The following ADAMTSL1 variants were observed in gnomAD, a reference collection of about 807,000 sequenced individuals.
ADAMTSL1 encodes the protein ADAMTS like 1.
A neutral mutation model predicts 201.8 loss-of-function variants in ADAMTSL1; 126 were observed. That is an observed-to-expected ratio of 0.62 (90% CI 0.54 to 0.72). The LOEUF (loss-of-function observed/expected upper bound fraction) is 0.72. ADAMTSL1 is among the 30% of genes least tolerant of loss of function. The pLI, the probability that ADAMTSL1 is intolerant of heterozygous loss-of-function variation, is 0.00. For synonymous variants in ADAMTSL1, 1,121 were observed against 903.4 expected (o/e 1.24, Z -4.32); for missense variants, 2,679 against 2,277.8 (o/e 1.18, Z -3.59).
At chr9:18,732,397 TC>T (rs1362238488) in intron 15 of ADAMTSL1, among the ~76,000 whole-genome samples, 3 of 152,150 alleles carry the variant, frequency 2.0e-5, no homozygotes, top group African/African-American at 7.2e-5. Context: ...GTTGGGACAT[TC>T]CATTTAATGT....
chr9:18,673,115 C>T (rs1829929128), intron 9 of ADAMTSL1, among the ~76,000 whole-genome samples: 2 of 152,128 alleles, frequency 1.3e-5, no homozygotes. Flanking sequence ...TATTCAGATG[C>T]ATGTCTGAAT....
At chr9:17,922,663 G>C (rs1464049643) in intron 1 of ADAMTSL1, among the ~76,000 whole-genome samples, 1 of 152,130 alleles carries the variant, frequency 6.6e-6, no homozygotes, top group Non-Finnish European at 1.5e-5. Context: ...AAGTTGAGTT[G>C]ACTTGTCCCA....
chr9:18,111,899 A>C (rs890102801), intron 1 of ADAMTSL1, among the ~76,000 whole-genome samples: 31 of 152,172 alleles, frequency 2.0e-4, no homozygotes, highest in African/African-American at 7.2e-4. Context: ...AATGGGATTA[A>C]TAGCTAGTTA....
At chr9:18,720,683 T>C (rs1158640375) in intron 14 of ADAMTSL1, among the ~76,000 whole-genome samples, 3 of 152,118 alleles carry the variant, frequency 2.0e-5, no homozygotes, top group African/African-American at 7.2e-5. Flanking sequence ...CTCGGGAGGC[T>C]GAGGCAGGAG....
chr9:18,344,543 G>T (rs1189453757), intron 2 of ADAMTSL1, among the ~76,000 whole-genome samples: 2 of 152,080 alleles, frequency 1.3e-5, no homozygotes, highest in Non-Finnish European at 2.9e-5. Flanking sequence ...ACACATGTGA[G>T]ATTCACAAAT....
intron 1 of ADAMTSL1, among the ~76,000 whole-genome samples, chr9:17,916,197 A>G (rs1008293034): frequency 1.3e-5 from 2 of 152,242 alleles, no homozygotes; most frequent in Non-Finnish European, 2.9e-5. Context: ...CTGGGATTAC[A>G]GGTGTGAGCC....
At chr9:18,845,243 T>A (rs1192538253) in intron 23 of ADAMTSL1, among the ~76,000 whole-genome samples, 1 of 152,090 alleles carries the variant, frequency 6.6e-6, no homozygotes, top group African/African-American at 2.4e-5. Context: ...TCAGAGGAAC[T>A]CCTCACAAAT....
chr9:17,947,324 CA>C, intron 1 of ADAMTSL1, among the ~76,000 whole-genome samples: 1 of 143,146 alleles, frequency 7.0e-6, no homozygotes, highest in Non-Finnish European at 1.5e-5. Context: ...CACACACACA[CA>C]CACACACACA....
chr9:18,287,575 A>G (rs947930902), intron 2 of ADAMTSL1, among the ~76,000 whole-genome samples: 59 of 148,204 alleles, frequency 4.0e-4, no homozygotes, highest in African/African-American at 1.5e-3. Context: ...ACATATATGT[A>G]AATATATGTG....
chr9:18,565,744 C>T (rs1821850148), intron 3 of ADAMTSL1, among the ~76,000 whole-genome samples: 1 of 152,160 alleles, frequency 6.6e-6, no homozygotes. Flanking sequence ...ACAGAGTTGT[C>T]TCCACGCAGA....
At chr9:18,478,977 G>A (rs1194215262) in intron 1 of ADAMTSL1, among the ~76,000 whole-genome samples, 1 of 152,116 alleles carries the variant, frequency 6.6e-6, no homozygotes, top group Non-Finnish European at 1.5e-5. Context: ...TGGCAGTACT[G>A]GCTCATGAGC....
intron 1 of ADAMTSL1, among the ~76,000 whole-genome samples, chr9:18,489,240 T>G (rs1822147196): frequency 6.6e-6 from 1 of 152,212 alleles, no homozygotes; most frequent in Non-Finnish European, 1.5e-5. Context: ...TTGAAGATGC[T>G]TTATAAACTC....
chr9:18,262,521 GCTT>G (rs1831963342), intron 2 of ADAMTSL1, among the ~76,000 whole-genome samples: 2 of 152,164 alleles, frequency 1.3e-5, no homozygotes, highest in Non-Finnish European at 1.5e-5. Context: ...GTACCACTGA[GCTT>G]CTTCTATTCT....
chr9:17,985,794 G>A (rs1209537783), intron 1 of ADAMTSL1, among the ~76,000 whole-genome samples: 1 of 152,068 alleles, frequency 6.6e-6, no homozygotes, highest in African/African-American at 2.4e-5. Context: ...TATATTTGAT[G>A]ATTTCTGTAA....
intron 2 of ADAMTSL1, among the ~76,000 whole-genome samples, chr9:18,253,019 G>C (rs529756876): frequency 6.6e-6 from 1 of 152,132 alleles, no homozygotes; most frequent in African/African-American, 2.4e-5. Context: ...ATTGATTGTG[G>C]CATGTCCATA....
intron 4 of ADAMTSL1, among the ~76,000 whole-genome samples, chr9:18,608,791 T>C: frequency 6.6e-6 from 1 of 152,208 alleles, no homozygotes; most frequent in Non-Finnish European, 1.5e-5. Flanking sequence ...TTGTGACTCC[T>C]GTTTGATTGG....
chr9:18,880,362 T>C (rs535853184), intron 23 of ADAMTSL1, among the ~76,000 whole-genome samples: 3 of 152,244 alleles, frequency 2.0e-5, no homozygotes, highest in Non-Finnish European at 4.4e-5. Context: ...TATAGCATTA[T>C]GAAATTTGTT....
chr9:18,725,660 T>G (rs942961366), intron 15 of ADAMTSL1, among the ~76,000 whole-genome samples: 2 of 152,172 alleles, frequency 1.3e-5, no homozygotes, highest in South Asian at 2.1e-4. Flanking sequence ...ATATTCTCAT[T>G]CTTTAAAACT....
chr9:18,203,616 T>C (rs1829535165), intron 2 of ADAMTSL1, among the ~76,000 whole-genome samples: 1 of 151,970 alleles, frequency 6.6e-6, no homozygotes, highest in African/African-American at 2.4e-5. Context: ...TTTATGTGCA[T>C]GCATATGTAT....
Sources: allele counts gnomAD v4.1 joint callset (sites outside exome capture counted in the v4.1 genomes callset), GRCh38; gene constraint gnomAD v4.1.1; transcripts MANE v1.5; gene names NCBI Gene and HGNC (gene_info 2026-07-23, HGNC 2026-07-21).